Variants in CNTNAP2 observed in about 807,000 individuals in gnomAD.
The protein encoded by CNTNAP2 is contactin associated protein 2.
A neutral mutation model predicts 155.2 loss-of-function variants in CNTNAP2; 98 were observed. The ratio of observed to expected loss-of-function variants is 0.63; its 90% CI spans 0.54 to 0.75. The LOEUF (loss-of-function observed/expected upper bound fraction) is 0.75, where lower values mean the gene tolerates loss of function less well. CNTNAP2 is among the 30% of genes least tolerant of loss of function. CNTNAP2 has a pLI of 0.00. For synonymous variants in CNTNAP2, 651 were observed against 631.2 expected, an observed-to-expected ratio of 1.03 and a Z score of -0.47; for missense variants, 1,727 against 1,688.1, an observed-to-expected ratio of 1.02 and a Z score of -0.40.
chr7:148,343,796 G>A (rs922289347), intron 21 of CNTNAP2, among the ~76,000 whole-genome samples: 2 of 152,208 alleles, frequency 1.3e-5, no homozygotes, highest in Non-Finnish European at 2.9e-5. Flanking sequence ...GAGGAGAATC[G>A]TGTGATTTGC....
intron 12 of CNTNAP2, among the ~76,000 whole-genome samples, chr7:147,615,040 C>A (rs913852451): frequency 3.3e-4 from 49 of 150,306 alleles, no homozygotes; most frequent in African/African-American, 1.2e-3. Flanking sequence ...ATTGCTTGAA[C>A]CTAGGAATTC....
chr7:147,214,164 C>T (rs1222761076), intron 8 of CNTNAP2, among the ~76,000 whole-genome samples: 3 of 152,116 alleles, frequency 2.0e-5, no homozygotes, highest in African/African-American at 7.2e-5. Context: ...GAACAATTTG[C>T]GTTTACCTTT....
chr7:147,108,006 G>C (rs1249826596), intron 4 of CNTNAP2, 141 bp from the exon 5 acceptor site: 2 of 715,778 alleles, frequency 2.8e-6, no homozygotes, highest in Non-Finnish European at 4.6e-6. Context: ...ATCAAAAGAA[G>C]GAATAGAAGA....
intron 21 of CNTNAP2, among the ~76,000 whole-genome samples, chr7:148,355,204 C>T (rs1437382766): frequency 2.8e-4 from 5 of 17,818 alleles, no homozygotes; most frequent in Non-Finnish European, 3.6e-4. Context: ...TTTTTTGAGA[C>T]GGAGTCTTGC....
intron 1 of CNTNAP2, among the ~76,000 whole-genome samples, chr7:146,557,554 C>T (rs955516246): frequency 1.3e-5 from 2 of 151,974 alleles, no homozygotes; most frequent in African/African-American, 4.8e-5. Context: ...TGATAAGAGG[C>T]CCAGTAAGTC....
At chr7:147,836,665 A>G (rs560322541) in intron 13 of CNTNAP2, among the ~76,000 whole-genome samples, 5 of 151,824 alleles carry the variant, frequency 3.3e-5, no homozygotes, top group South Asian at 2.1e-4. Context: ...CTGGACTGTC[A>G]CTCTCTGACG....
intron 9 of CNTNAP2, among the ~76,000 whole-genome samples, chr7:147,300,501 T>C (rs1794928353): frequency 6.6e-6 from 1 of 152,196 alleles, no homozygotes; most frequent in Non-Finnish European, 1.5e-5. Context: ...CACCATATTC[T>C]TCTGGCCTAA....
chr7:147,375,684 CA>C (rs1796422435), intron 9 of CNTNAP2, among the ~76,000 whole-genome samples: 1 of 152,030 alleles, frequency 6.6e-6, no homozygotes, highest in Non-Finnish European at 1.5e-5. Context: ...TACCTCTCCC[CA>C]CAAGTACTAA....
rs538290657 is a variant in CNTNAP2, at chr7:146,305,076, T to C, written c.97+188103T>C. Among the ~76,000 whole-genome samples the C allele has an allele frequency of 3.3e-5, 5 of 152,320 alleles. No individual in the cohort carries two copies. The East Asian group carries it at 9.7e-4, about 29-fold the overall frequency. On this transcript the variant is annotated intron_variant, in intron 1 of 23. Transcript: ENST00000361727. ...CTTGATCAAATAGGCTACTGAAGCT[T>C]GTCCATGCATCACGTCGTTCTCATG...
chr7:147,471,112 A>T (rs6464809), intron 10 of CNTNAP2, among the ~76,000 whole-genome samples: 121,460 of 152,086 alleles, frequency 0.8, 49,162 homozygotes, highest in African/African-American at 0.94. Flanking sequence ...CTAGGAGTAG[A>T]GGAGTGGAGA....
At chr7:146,648,172 A>T (rs1282257818) in intron 1 of CNTNAP2, among the ~76,000 whole-genome samples, 1 of 152,190 alleles carries the variant, frequency 6.6e-6, no homozygotes, top group Non-Finnish European at 1.5e-5. Context: ...AGGGACTTAA[A>T]TGTAACCCTT....
At chr7:148,349,932 C>T (rs893862164) in intron 21 of CNTNAP2, among the ~76,000 whole-genome samples, 6 of 152,206 alleles carry the variant, frequency 3.9e-5, no homozygotes, top group African/African-American at 1.4e-4. Context: ...GCCAATTTAG[C>T]GAGAGGGCCT....
intron 2 of CNTNAP2, among the ~76,000 whole-genome samples, chr7:146,829,576 A>C (rs1286463382): frequency 6.6e-6 from 1 of 151,736 alleles, no homozygotes; most frequent in African/African-American, 2.4e-5. Context: ...TTTTTTTTTT[A>C]CTTAATTGAA....
intron 2 of CNTNAP2, among the ~76,000 whole-genome samples, chr7:146,820,662 T>C (rs1803262575): frequency 6.6e-6 from 1 of 152,102 alleles, no homozygotes; most frequent in Non-Finnish European, 1.5e-5. Flanking sequence ...GGTGGAGAGT[T>C]CTGTAGATGT....
chr7:147,758,625 C>G (rs939411589), intron 13 of CNTNAP2, among the ~76,000 whole-genome samples: 3 of 152,138 alleles, frequency 2.0e-5, no homozygotes, highest in Admixed American at 2.0e-4. Flanking sequence ...AGGCAGATAG[C>G]TTGAGCTCAG....
chr7:146,590,751 G>C (rs771001717), intron 1 of CNTNAP2, among the ~76,000 whole-genome samples: 4 of 152,136 alleles, frequency 2.6e-5, no homozygotes, highest in Non-Finnish European at 5.9e-5. Context: ...TGCATGCCCA[G>C]GTTTCCCCAT....
chr7:146,165,644 A>G (rs1036911336), intron 1 of CNTNAP2, among the ~76,000 whole-genome samples: 1 of 152,164 alleles, frequency 6.6e-6, no homozygotes, highest in African/African-American at 2.4e-5. Context: ...CTAAATCTGT[A>G]TCTATCTGTA....
intron 14 of CNTNAP2, among the ~76,000 whole-genome samples, chr7:147,912,451 G>A (rs1310784026): frequency 2.0e-5 from 3 of 152,144 alleles, no homozygotes; most frequent in Non-Finnish European, 2.9e-5. Flanking sequence ...GTCTCAGCCT[G>A]TGACAGTCAC....
intron 10 of CNTNAP2, among the ~76,000 whole-genome samples, chr7:147,428,050 C>T (rs961153164): frequency 4.6e-5 from 7 of 152,004 alleles, no homozygotes; most frequent in African/African-American, 1.7e-4. Flanking sequence ...AAGAATAGTA[C>T]AAATAAATCA....
Sources: allele counts gnomAD v4.1 joint callset (sites outside exome capture counted in the v4.1 genomes callset), GRCh38; gene constraint gnomAD v4.1.1; transcripts MANE v1.5; gene names NCBI Gene and HGNC (gene_info 2026-07-23, HGNC 2026-07-21).